Variants in EIF2AK3 observed in about 807,000 individuals in gnomAD.
EIF2AK3 encodes eukaryotic translation initiation factor 2 alpha kinase 3.
Under a neutral mutation model 113.5 loss-of-function variants are expected in EIF2AK3, and 50 were observed. The observed-to-expected ratio is 0.44, with a 90% CI of 0.35 to 0.56. The LOEUF is 0.56. Among genes scored for constraint, EIF2AK3 ranks in the 20% least tolerant of loss-of-function variants. The pLI, the probability that EIF2AK3 is intolerant of heterozygous loss-of-function variation, is 0.00. For synonymous variants in EIF2AK3, 448 were observed against 495.4 expected (o/e 0.90, Z 1.27); for missense variants, 1,185 against 1,378.0 (o/e 0.86, Z 2.22).
chr2:88,558,788 C>G, intron 16 of EIF2AK3, 129 bp downstream of exon 16: 1 of 701,144 alleles, frequency 1.4e-6, no homozygotes, highest in South Asian at 1.9e-5. Flanking sequence ...CTCTTGGGAG[C>G]AGGTCTCTTT....
Position 88,627,451 on chromosome 2 carries a change from C to G in EIF2AK3, c.-177G>C. ...TCAGCCCGGCCTCTGCCGCTGCCAC[C>G]TGAGTGACAGCCTATCTCGGACATC... On this transcript the variant is annotated 5_prime_UTR_variant, in exon 1 of 17. Coordinates refer to ENST00000303236, the MANE Select transcript of EIF2AK3 (RefSeq NM_004836.7). 1.4e-6 allele frequency: 1 copy of G among 723,200 alleles called. No individual in the cohort carries two copies. The highest frequency in any genetic ancestry group is 2.0e-6 in the Non-Finnish European group (1 of 509,638). The allele number at this position is 723,200 out of a possible 1,614,324, so 44.8% of individuals were successfully genotyped here. A position where few individuals can be genotyped will look rare whatever the true frequency, so the allele number is the denominator to read the frequency against.
intron 15 of EIF2AK3, among the ~76,000 whole-genome samples, chr2:88,560,744 TG>T (rs1463803255): frequency 6.8e-6 from 1 of 147,386 alleles, no homozygotes; most frequent in Non-Finnish European, 1.5e-5. Flanking sequence ...TTATTTTGAC[TG>T]TTTTTTTTTT....
At chr2:88,584,144 C>G (rs1674661156) in intron 9 of EIF2AK3, among the ~76,000 whole-genome samples, 1 of 152,114 alleles carries the variant, frequency 6.6e-6, no homozygotes, top group Admixed American at 6.6e-5. Flanking sequence ...CTTTACTGAG[C>G]TCCAATTATG....
At chr2:88,601,222 G>A (rs1675140581) in intron 2 of EIF2AK3, among the ~76,000 whole-genome samples, 1 of 152,196 alleles carries the variant, frequency 6.6e-6, no homozygotes, top group Non-Finnish European at 1.5e-5. Flanking sequence ...ATTTACTTGA[G>A]AAACCAGATT....
chr2:88,593,092 A>G (rs891163247), intron 4 of EIF2AK3, among the ~76,000 whole-genome samples, 180 bp downstream of exon 4: 1 of 152,300 alleles, frequency 6.6e-6, no homozygotes, highest in Non-Finnish European at 1.5e-5. Context: ...CAGTGAGCCA[A>G]TATCACGCCA....
rs117538520 is a variant in EIF2AK3 at position 88,598,426 on chromosome 2, G to T, written c.439-2763C>A. 2.0e-4 allele frequency among the ~76,000 whole-genome samples: 31 copies of T among 152,250 alleles called. No individual in the cohort carries two copies. The East Asian group carries it at 6.0e-3, about 29-fold the overall frequency. ...TAATACCTTGATTGGATAACCAAAA[G>T]TAAAAATCATCAATGAGAGTTAGAT... On this transcript the variant is annotated intron_variant, in intron 2 of 16. Transcript: ENST00000303236.
chr2:88,592,646 C>CCACTACT (rs771046873), intron 4 of EIF2AK3, among the ~76,000 whole-genome samples: 10 of 151,988 alleles, frequency 6.6e-5, no homozygotes, highest in Middle Eastern at 6.8e-3. Flanking sequence ...GCCTGTCATC[C>CCACTACT]CAGCTACTCA....
rs1305447213 is a variant in EIF2AK3, at chr2:88,588,937, T to C, written c.1166-36A>G. 2.5e-6 allele frequency: 4 copies of C among 1,608,912 alleles called. No individual in the cohort carries two copies. In the African/African-American group the frequency reaches 4.0e-5, roughly 16 times the overall value. The stretch of plus-strand genomic sequence containing the variant: ...CAGAACATTGTCAATTATGCATTGA[T>C]TTTTTTAAAAAGGTTTTTTTAATTA... On this transcript the variant is annotated intron_variant, in intron 6 of 16. Transcript: ENST00000303236.
At chr2:88,627,540 T>G, upstream of EIF2AK3, 37 of 349,484 alleles carry the variant, frequency 1.1e-4, no homozygotes, top group Non-Finnish European at 1.5e-4. Context: ...CCACTCCATG[T>G]TCCCAGGCTG....
At chr2:88,566,435 G>A (rs1674129118) in intron 14 of EIF2AK3, among the ~76,000 whole-genome samples, 1 of 152,122 alleles carries the variant, frequency 6.6e-6, no homozygotes, top group Admixed American at 6.5e-5. Flanking sequence ...TCAAGCCACA[G>A]TGCCCAGCTT....
intron 11 of EIF2AK3, among the ~76,000 whole-genome samples, chr2:88,577,993 T>C (rs1024530512): frequency 6.6e-6 from 1 of 152,220 alleles, no homozygotes; most frequent in African/African-American, 2.4e-5. Context: ...CTTTCTTGCA[T>C]TGTATTTACT....
Position 88,607,855 on chromosome 2 carries a change from A to G in EIF2AK3, c.438+5869T>C, listed in dbSNP as rs372338235. Reference sequence around the variant, plus strand: ...TCCAGATAATTTACTTGGGTGTTTCATGTATGTGACTGTACCTGATGCATG... The same window carrying G: ...TCCAGATAATTTACTTGGGTGTTTCGTGTATGTGACTGTACCTGATGCATG... On this transcript the variant is annotated intron_variant, in intron 2 of 16. Coordinates refer to ENST00000303236, the MANE Select transcript of EIF2AK3 (RefSeq NM_004836.7). Among the ~76,000 whole-genome samples the G allele has an allele frequency of 5.6e-4, 86 of 152,356 alleles. 2 individuals are homozygous for G. The South Asian group carries it at 0.016, about 28-fold the overall frequency.
chr2:88,596,363 C>T (rs114333767), intron 2 of EIF2AK3, among the ~76,000 whole-genome samples: 1,635 of 152,126 alleles, frequency 0.011, 27 homozygotes, highest in African/African-American at 0.037. Flanking sequence ...GATAGATTAG[C>T]GAGCAAAGCA....
At chr2:88,567,470 C>T (rs1043236149) in intron 14 of EIF2AK3, among the ~76,000 whole-genome samples, 1 of 152,154 alleles carries the variant, frequency 6.6e-6, no homozygotes, top group South Asian at 2.1e-4. Flanking sequence ...CATGTTCTTA[C>T]CATCGTCCAT....
intron 15 of EIF2AK3, among the ~76,000 whole-genome samples, chr2:88,559,620 A>C (rs769854093): frequency 3.4e-5 from 5 of 148,106 alleles, no homozygotes; most frequent in Admixed American, 6.7e-5. Context: ...GAGAGAGAGA[A>C]AGGGCCATAT....
chr2:88,557,837 C>G lies in EIF2AK3; in HGVS notation c.3250G>C (p.Gly1084Arg), dbSNP rs1673823156. The G allele has an allele frequency of 6.2e-7, 1 of 1,613,974 alleles. No homozygotes were observed. Among genetic ancestry groups the G allele is most frequent in the Non-Finnish European group, 8.5e-7 (1 of 1,180,000 alleles). ...GACCTCTGTCTGAGCACTGTTTTTC[C>G]TGGAAAGTCCAAGTCCTCAAATACA... ...NAVFEDLDFP[G>R]KTVLRQRSRS... Residue 1084 changes from glycine (G) to arginine (R), a missense_variant, in exon 17 of 17, where the codon GGA becomes CGA. This residue lies in a region of EIF2AK3 where 877 missense variants were observed against 1,024.2 expected (regional missense o/e 0.86). Coordinates refer to ENST00000303236, the MANE Select transcript of EIF2AK3 (RefSeq NM_004836.7).
chr2:88,590,167 G>A (rs1030253264), intron 6 of EIF2AK3, among the ~76,000 whole-genome samples: 3 of 152,114 alleles, frequency 2.0e-5, no homozygotes, highest in African/African-American at 4.8e-5. Context: ...CCCAGGAGGC[G>A]GAGGTTGCAG....
rs745709712 is a variant in EIF2AK3, at chr2:88,613,873, T to A, written c.309-20A>T. Reference sequence around the variant, plus strand: ...AATGACCTGTAAATATTAAAAATATTTTTAAAATTAACAGATATCTAAGAT... The same window carrying A: ...AATGACCTGTAAATATTAAAAATATATTTAAAATTAACAGATATCTAAGAT... On this transcript the variant is annotated intron_variant, in intron 1 of 16. Transcript: ENST00000303236. 2 of 1,593,570 alleles carry A rather than the reference T, an allele frequency of 1.3e-6. No individual in the cohort carries two copies.
intron 10 of EIF2AK3, 162 bp from the exon 11 acceptor site, chr2:88,579,802 G>C: frequency 1.6e-6 from 1 of 632,738 alleles, no homozygotes; most frequent in Admixed American, 3.1e-5. Flanking sequence ...TTTTAGTCCT[G>C]TTTGTATAAA....
Sources: allele counts gnomAD v4.1 joint callset (sites outside exome capture counted in the v4.1 genomes callset), GRCh38; gene constraint gnomAD v4.1.1; regional missense constraint gnomAD v4.1.1; transcripts MANE v1.5; gene names NCBI Gene and HGNC (gene_info 2026-07-23, HGNC 2026-07-21).